CCDC7: variants seen among roughly 807,000 people sequenced by gnomAD.
The protein encoded by CCDC7 is coiled-coil domain-containing protein 7.
A neutral mutation model predicts 196.9 loss-of-function variants in CCDC7; 183 were observed. That is an observed-to-expected ratio of 0.93 (90% CI 0.82 to 1.05). The LOEUF is 1.05. Ranked by LOEUF, CCDC7 falls within the 50% of genes least tolerant of loss-of-function variation. The probability of loss-of-function intolerance (pLI) is 0.00; values close to 1 mark genes in which losing one functional copy is unlikely to be tolerated. For missense variants in CCDC7, 1,540 were observed against 1,482.2 expected, an observed-to-expected ratio of 1.04 and a Z score of -0.64; for synonymous variants, 525 against 484.6, an observed-to-expected ratio of 1.08 and a Z score of -1.10.
intron 13 of CCDC7, among the ~76,000 whole-genome samples, chr10:32,551,767 G>T (rs2053514842): frequency 6.6e-6 from 1 of 152,122 alleles, no homozygotes. Context: ...GAGAGTGCTT[G>T]ATATACTGTC....
At chr10:32,709,622 G>A (rs1238232358) in intron 24 of CCDC7, among the ~76,000 whole-genome samples, 1 of 152,086 alleles carries the variant, frequency 6.6e-6, no homozygotes, top group Admixed American at 6.5e-5. Flanking sequence ...GAATGATGGG[G>A]AGCAGTTGAA....
At chr10:32,570,181 C>G (rs1321747467) in intron 15 of CCDC7, among the ~76,000 whole-genome samples, 1 of 152,192 alleles carries the variant, frequency 6.6e-6, no homozygotes, top group East Asian at 1.9e-4. Flanking sequence ...TGCTTTATCT[C>G]TCAGTATTCA....
At chr10:32,501,484 C>A (rs1364618689) in intron 9 of CCDC7, among the ~76,000 whole-genome samples, 3 of 152,104 alleles carry the variant, frequency 2.0e-5, no homozygotes, top group Non-Finnish European at 2.9e-5. Flanking sequence ...AATTTTCAGC[C>A]TTTTTGCGCT....
chr10:32,859,948 G>A (rs992939992), intron 41 of CCDC7, among the ~76,000 whole-genome samples: 1 of 152,152 alleles, frequency 6.6e-6, no homozygotes, highest in African/African-American at 2.4e-5. Flanking sequence ...AAAAGTCCAG[G>A]ACCAGACGGA....
chr10:32,665,500 A>G (rs1435788391), intron 21 of CCDC7, among the ~76,000 whole-genome samples: 2 of 152,036 alleles, frequency 1.3e-5, no homozygotes, highest in Non-Finnish European at 2.9e-5. Flanking sequence ...GTGTGAGATG[A>G]AGGTATAATT....
chr10:32,501,621 G>T (rs2044050837), intron 9 of CCDC7, among the ~76,000 whole-genome samples: 1 of 152,280 alleles, frequency 6.6e-6, no homozygotes, highest in South Asian at 2.1e-4. Context: ...GCTGGAGTTT[G>T]CTGGAGGTCC....
intron 18 of CCDC7, among the ~76,000 whole-genome samples, chr10:32,587,948 G>A (rs1412413812): frequency 6.6e-6 from 1 of 152,188 alleles, no homozygotes; most frequent in Non-Finnish European, 1.5e-5. Flanking sequence ...TGACAGGTGG[G>A]ACCTTTGGGA....
intron 28 of CCDC7, among the ~76,000 whole-genome samples, chr10:32,763,378 A>G (rs988758517): frequency 3.3e-5 from 5 of 151,954 alleles, no homozygotes; most frequent in African/African-American, 1.2e-4. Flanking sequence ...GGTTATGGAG[A>G]AACAGAATCC....
At chr10:32,795,054 A>G (rs1480153971) in intron 29 of CCDC7, among the ~76,000 whole-genome samples, 2 of 152,192 alleles carry the variant, frequency 1.3e-5, no homozygotes, top group Non-Finnish European at 2.9e-5. Context: ...AATAGATTCA[A>G]TATTTCAGTT....
chr10:32,571,107 G>A (rs1447803882), intron 15 of CCDC7, among the ~76,000 whole-genome samples: 1 of 149,698 alleles, frequency 6.7e-6, no homozygotes, highest in Middle Eastern at 3.2e-3. Flanking sequence ...CTTGGTTCAG[G>A]TTCAGACAAT....
At chr10:32,583,353 C>T in intron 17 of CCDC7, 46 bp downstream of exon 18, 1 of 1,124,540 alleles carries the variant, frequency 8.9e-7, no homozygotes, top group Non-Finnish European at 1.1e-6. Flanking sequence ...TCATATTGCT[C>T]CTTCAATAAA....
intron 9 of CCDC7, among the ~76,000 whole-genome samples, chr10:32,503,107 A>C (rs1411103432): frequency 6.6e-6 from 1 of 152,108 alleles, no homozygotes; most frequent in Non-Finnish European, 1.5e-5. Flanking sequence ...ATATGATTTT[A>C]CTTATTCTTT....
At chr10:32,582,949 C>T (rs1345148496) in intron 16 of CCDC7, 85 bp from the exon 18 acceptor site, 7 of 756,056 alleles carry the variant, frequency 9.3e-6, no homozygotes, top group Non-Finnish European at 1.3e-5. Context: ...TATTTAATAT[C>T]CTTATATATT....
intron 18 of CCDC7, among the ~76,000 whole-genome samples, chr10:32,625,939 A>G (rs1375132304): frequency 6.6e-6 from 1 of 152,064 alleles, no homozygotes; most frequent in Non-Finnish European, 1.5e-5. Flanking sequence ...TACTCTCTCT[A>G]TGTACTACAT....
At chr10:32,472,432 CT>C (rs2038134805) in intron 6 of CCDC7, 48 bp from the exon 8 acceptor site, 3 of 1,487,674 alleles carry the variant, frequency 2.0e-6, no homozygotes, top group Non-Finnish European at 2.7e-6. Flanking sequence ...AATTTAAACT[CT>C]TACTCTTTGA....
At chr10:32,499,370 T>A (rs1404890718) in intron 9 of CCDC7, 1 of 152,120 alleles carries the variant, frequency 6.6e-6, no homozygotes, top group Non-Finnish European at 1.5e-5. Flanking sequence ...CAAAATAAAT[T>A]TATCAGAAGG....
chr10:32,797,653 A>T (rs1172345792), intron 29 of CCDC7, among the ~76,000 whole-genome samples: 2 of 152,180 alleles, frequency 1.3e-5, no homozygotes, highest in African/African-American at 4.8e-5. Flanking sequence ...CCCAATGATT[A>T]TGGAAATAAA....
chr10:32,739,065 T>C (rs1008353883), intron 28 of CCDC7, among the ~76,000 whole-genome samples: 1 of 152,154 alleles, frequency 6.6e-6, no homozygotes. Context: ...CAAGATTTTC[T>C]TTTTGTCTTT....
intron 36 of CCDC7, 134 bp downstream of exon 37, chr10:32,846,093 CAT>C (rs1232259375): frequency 1.3e-6 from 1 of 768,066 alleles, no homozygotes; most frequent in East Asian, 2.5e-5. Flanking sequence ...TATTGGAAGA[CAT>C]ATAATAAAGG....
Sources: allele counts gnomAD v4.1 joint callset (sites outside exome capture counted in the v4.1 genomes callset), GRCh38; gene constraint gnomAD v4.1.1; transcripts MANE v1.5; gene names NCBI Gene and HGNC (gene_info 2026-07-23, HGNC 2026-07-21).